KCNH1: variants seen among roughly 807,000 people sequenced by gnomAD.
KCNH1 encodes the protein potassium voltage-gated channel subfamily H member 1.
Under a neutral mutation model 69.2 loss-of-function variants are expected in KCNH1, and 27 were observed. That is an observed-to-expected ratio of 0.39 (90% confidence interval 0.29 to 0.54). The LOEUF is 0.54. Ranked by LOEUF, KCNH1 falls within the 20% of genes least tolerant of loss-of-function variation. KCNH1 has a pLI of 0.68. For missense variants in KCNH1, 798 were observed against 1,261.6 expected, an observed-to-expected ratio of 0.63 and a Z score of 5.57; for synonymous variants, 456 against 487.7, an observed-to-expected ratio of 0.93 and a Z score of 0.86.
At chr1:210,699,746 G>C (rs955061426) in intron 10 of KCNH1, among the ~76,000 whole-genome samples, 2 of 152,160 alleles carry the variant, frequency 1.3e-5, no homozygotes, top group Admixed American at 6.5e-5. Flanking sequence ...TTTTCCTGGA[G>C]TAAAGAATAA....
At chr1:210,790,080 C>T (rs1354489289) in intron 9 of KCNH1, among the ~76,000 whole-genome samples, 2 of 152,218 alleles carry the variant, frequency 1.3e-5, no homozygotes, top group Admixed American at 1.3e-4. Context: ...AGCCACCACA[C>T]CTGGCTTTCC....
intron 9 of KCNH1, among the ~76,000 whole-genome samples, chr1:210,791,375 A>T (rs1228589029): frequency 6.6e-6 from 1 of 152,200 alleles, no homozygotes; most frequent in Non-Finnish European, 1.5e-5. Flanking sequence ...CCTGTGGGGA[A>T]CAACTGGGGC....
chr1:210,714,411 A>G (rs1682166963), intron 10 of KCNH1, among the ~76,000 whole-genome samples: 1 of 151,992 alleles, frequency 6.6e-6, no homozygotes, highest in Admixed American at 6.6e-5. Context: ...TTTTGCCTTT[A>G]CCTGGGGTTG....
intron 6 of KCNH1, among the ~76,000 whole-genome samples, chr1:211,015,017 T>A (rs1048545533): frequency 1.7e-4 from 22 of 131,182 alleles, no homozygotes; most frequent in Admixed American, 7.8e-4. Flanking sequence ...GTAACAAACA[T>A]CAACCATTCA....
chr1:210,687,319 A>T (rs762773392), intron 10 of KCNH1, among the ~76,000 whole-genome samples: 18 of 152,338 alleles, frequency 1.2e-4, no homozygotes, highest in Admixed American at 3.3e-4. Flanking sequence ...AGAATCCTGG[A>T]CTGAACCAGC....
chr1:210,936,846 C>T (rs1687783753), intron 6 of KCNH1, among the ~76,000 whole-genome samples: 1 of 152,154 alleles, frequency 6.6e-6, no homozygotes, highest in South Asian at 2.1e-4. Context: ...AAATCTTACA[C>T]ACTAGCATTC....
intron 5 of KCNH1, among the ~76,000 whole-genome samples, chr1:211,072,536 C>T (rs1227924688): frequency 6.6e-6 from 1 of 151,950 alleles, no homozygotes; most frequent in East Asian, 1.9e-4. Flanking sequence ...TTCAATTATG[C>T]TTGTATATGT....
intron 10 of KCNH1, among the ~76,000 whole-genome samples, chr1:210,769,942 C>T (rs527259027): frequency 6.6e-6 from 1 of 152,168 alleles, no homozygotes; most frequent in Non-Finnish European, 1.5e-5. Flanking sequence ...TTGAGTGGTT[C>T]CTGCAGGTAA....
intron 7 of KCNH1, among the ~76,000 whole-genome samples, chr1:210,898,924 G>A (rs911587008): frequency 2.6e-5 from 4 of 152,186 alleles, no homozygotes; most frequent in African/African-American, 9.7e-5. Context: ...TGGGGAAGAA[G>A]CAAAGAGTGA....
intron 7 of KCNH1, among the ~76,000 whole-genome samples, chr1:210,909,202 AG>A (rs1687176031): frequency 6.6e-6 from 1 of 152,246 alleles, no homozygotes; most frequent in Non-Finnish European, 1.5e-5. Flanking sequence ...CCTCATTGGA[AG>A]ATTTTCTTCT....
At position 210,678,920 on chromosome 1, in the gene KCNH1, C is replaced by A. The variant is rs1183381314; in HGVS notation, c.*4361G>T. The stretch of plus-strand genomic sequence containing the variant: ...GCAGGCAGGGAGGGCACCCACCAGT[C>A]TGGCACCTGCAGGGAATTCAAGTCC... On this transcript the variant is annotated 3_prime_UTR_variant, in exon 11 of 11. Transcript: ENST00000271751. 6.6e-6 allele frequency: 1 copy of A among 152,188 alleles called. No homozygotes were observed. The highest frequency in any genetic ancestry group is 2.4e-5 in the African/African-American group (1 of 41,450). 9.4% of individuals were successfully genotyped at this position (152,188 alleles called of 1,614,324 possible).
At chr1:210,860,230 T>C in intron 7 of KCNH1, 1 of 1,461,210 alleles carries the variant, frequency 6.8e-7, no homozygotes, top group Non-Finnish European at 9.6e-7. Context: ...ATCAAAGCCA[T>C]CTTGCTGAAA....
At chr1:210,832,415 C>G (rs1685181199) in intron 7 of KCNH1, among the ~76,000 whole-genome samples, 1 of 152,158 alleles carries the variant, frequency 6.6e-6, no homozygotes, top group African/African-American at 2.4e-5. Flanking sequence ...TCTCCAGAGT[C>G]TTTTCAGATC....
At chr1:210,778,493 C>T (rs1243883539) in intron 9 of KCNH1, among the ~76,000 whole-genome samples, 16 of 148,830 alleles carry the variant, frequency 1.1e-4, no homozygotes, top group African/African-American at 2.5e-4. Flanking sequence ...ATTTGGCCAC[C>T]GCACTCCAGC....
intron 7 of KCNH1, among the ~76,000 whole-genome samples, chr1:210,840,868 T>C (rs1048193704): frequency 6.6e-6 from 1 of 152,090 alleles, no homozygotes; most frequent in Non-Finnish European, 1.5e-5. Flanking sequence ...TCAGGAGGAA[T>C]GATGGTATAG....
intron 2 of KCNH1, among the ~76,000 whole-genome samples, chr1:211,104,204 G>A (rs114313565): frequency 0.016 from 2,363 of 152,292 alleles, 27 homozygotes; most frequent in Non-Finnish European, 0.025. Context: ...GGCATTATAA[G>A]CCATGGGAAG....
chr1:210,717,937 T>TGTC (rs1682301616), intron 10 of KCNH1, among the ~76,000 whole-genome samples: 1 of 151,974 alleles, frequency 6.6e-6, no homozygotes, highest in East Asian at 1.9e-4. Context: ...TGAAACCCCA[T>TGTC]GTCTACTAAA....
intron 1 of KCNH1, among the ~76,000 whole-genome samples, chr1:211,117,967 G>A (rs963348843): frequency 1.3e-5 from 2 of 152,042 alleles, no homozygotes; most frequent in Non-Finnish European, 2.9e-5. Flanking sequence ...GTGCAGCCTG[G>A]GTCATTTCAA....
intron 7 of KCNH1, among the ~76,000 whole-genome samples, chr1:210,804,374 A>G (rs955016892): frequency 5.3e-5 from 8 of 152,172 alleles, no homozygotes; most frequent in African/African-American, 1.7e-4. Context: ...CCACCAAGCT[A>G]CTAGGAGAAA....
Sources: gnomAD v4.1 joint callset for allele counts (sites outside exome capture counted in the v4.1 genomes callset) on GRCh38, gnomAD v4.1.1 for gene constraint, MANE v1.5 for transcripts, NCBI Gene and HGNC (gene_info 2026-07-23, HGNC 2026-07-21) for gene names.